Variants in MAF1 observed in about 807,000 individuals in gnomAD.
The protein encoded by MAF1 is MAF1 negative regulator of RNA polymerase III.
MAF1 carries 7 observed loss-of-function variants against 31.9 expected under a neutral mutation model. The observed-to-expected ratio is 0.22, with a 90% CI of 0.12 to 0.41. The LOEUF (loss-of-function observed/expected upper bound fraction) is 0.41. Ranked by LOEUF, MAF1 falls within the 10% of genes least tolerant of loss-of-function variation. The probability of loss-of-function intolerance (pLI) is 1.00; values close to 1 mark genes in which losing one functional copy is unlikely to be tolerated. For synonymous variants in MAF1, 157 were observed against 120.0 expected (o/e 1.31, Z -2.02); for missense variants, 221 against 323.1 (o/e 0.68, Z 2.42).
chr8:144,105,974 G>A lies in MAF1; in HGVS notation c.189G>A (p.Gln63=). The stretch of plus-strand genomic sequence containing the variant: ...TGCTGGAGGCACTTTCTCCACCCCA[G>A]ACTTCAGGACTGAGCCCCAGCAGGT... The part of the protein sequence containing the change: ...PHVLEALSPP[Q]TSGLSPSRLS... Residue 63 remains glutamine (Q), a synonymous_variant, in exon 3 of 8, where the codon CAG becomes CAA. Coordinates refer to ENST00000322428, the MANE Select transcript of MAF1 (RefSeq NM_032272.5). The A allele has an allele frequency of 3.7e-6, 6 of 1,613,352 alleles. No homozygotes were observed. The highest frequency in any genetic ancestry group is 5.1e-6 in the Non-Finnish European group (6 of 1,180,018).
chr8:144,105,971 C>T lies in MAF1; in HGVS notation c.186C>T (p.Pro62=), dbSNP rs763020536. The T allele has an allele frequency of 1.2e-6, 2 of 1,613,346 alleles. No individual in the cohort carries two copies. Among genetic ancestry groups the T allele is most frequent in the South Asian group, 1.1e-5 (1 of 91,080 alleles). ...ACGTGCTGGAGGCACTTTCTCCACCCCAGACTTCAGGACTGAGCCCCAGCA... is the reference window on the plus strand; with the variant it reads ...ACGTGCTGGAGGCACTTTCTCCACCTCAGACTTCAGGACTGAGCCCCAGCA... The part of the protein sequence containing the change: ...QPHVLEALSP[P]QTSGLSPSRL... Residue 62 remains proline (P), a synonymous_variant, in exon 3 of 8, where the codon CCC becomes CCT. Transcript: ENST00000322428.
In MAF1 at chr8:144,106,977, G is replaced by A. The variant is rs746026701; in HGVS notation, c.749+14G>A. On this transcript the variant is annotated intron_variant, in intron 7 of 7. Transcript: ENST00000322428. Reference sequence around the variant, plus strand: ...GGAGGAGGACAGGTGTGTGATGGGGGCCATGACCCGGGTCCTTGAAGCCTG... The same window carrying A: ...GGAGGAGGACAGGTGTGTGATGGGGACCATGACCCGGGTCCTTGAAGCCTG... 1.4e-5 allele frequency: 22 copies of A among 1,540,650 alleles called. No individual in the cohort carries two copies. The East Asian group carries it at 2.7e-4, about 19-fold the overall frequency.
At chr8:144,105,824 G>A in intron 2 of MAF1, 45 bp from the exon 3 acceptor site, 1 of 1,612,924 alleles carries the variant, frequency 6.2e-7, no homozygotes, top group Non-Finnish European at 8.5e-7. Context: ...CCCTTCAGTG[G>A]AACCTGGGGG....
rs1398316810 is a variant in MAF1 at position 144,104,608 on chromosome 8, T to C, written c.-295T>C. The C allele has an allele frequency of 1.3e-5, 2 of 151,498 alleles. No homozygotes were observed. The highest frequency in any genetic ancestry group is 4.9e-5 in the African/African-American group (2 of 41,176). The allele number at this position is 151,498 out of a possible 1,614,324, so 9.4% of individuals were successfully genotyped here. ...AGGTCGGTCGCGAGAGCGGGCTCTG[T>C]GGAAGGGGGCGAGGCTATGTCGCGG... On this transcript the variant is annotated 5_prime_UTR_variant, in exon 1 of 8. Coordinates refer to ENST00000322428, the MANE Select transcript of MAF1 (RefSeq NM_032272.5).
chr8:144,105,883 C>T lies in MAF1; in HGVS notation c.98C>T (p.Ser33Leu). 1 of 1,612,964 alleles carries T rather than the reference C, an allele frequency of 6.2e-7. No homozygotes were observed. The highest frequency in any genetic ancestry group is 8.5e-7 in the Non-Finnish European group (1 of 1,180,014). The change falls in exon 3 of 8, where the codon TCA becomes TTA. Residue 33 changes from serine (S) to leucine (L), a missense_variant. Around this residue, in one of 2 missense-constraint regions of MAF1, gnomAD observed 146 missense variants for 263.1 expected, o/e 0.56. Transcript: ENST00000322428. ...AHIIGRIESY[S>L]CKMAGDDKHM... The stretch of plus-strand genomic sequence containing the variant: ...GCATCCTATAGGATTGAGAGCTACT[C>T]ATGTAAGATGGCAGGAGACGACAAA...
Position 144,105,866 on chromosome 8 carries a change from T to C in MAF1, c.84-3T>C, listed in dbSNP as rs113068322. Reference sequence around the variant, plus strand: ...GCTTCATGGTTCTCTCTGCATCCTATAGGATTGAGAGCTACTCATGTAAGA... The same window carrying C: ...GCTTCATGGTTCTCTCTGCATCCTACAGGATTGAGAGCTACTCATGTAAGA... On this transcript the variant is annotated splice_polypyrimidine_tract_variant and splice_region_variant and intron_variant, in intron 2 of 7. Coordinates refer to ENST00000322428, the MANE Select transcript of MAF1 (RefSeq NM_032272.5). The C allele has an allele frequency of 6.2e-7, 1 of 1,612,830 alleles. No individual in the cohort carries two copies. The highest frequency in any genetic ancestry group is 1.7e-5 in the Admixed American group (1 of 60,012).
At chr8:144,106,712 G>A (rs774918705) in intron 6 of MAF1, 38 bp downstream of exon 6, 6 of 1,600,016 alleles carry the variant, frequency 3.7e-6, no homozygotes, top group Non-Finnish European at 4.3e-6. Context: ...CTCCCTGTTG[G>A]GCCGATACAA....
intron 1 of MAF1, 46 bp from the exon 2 acceptor site, chr8:144,105,594 C>T (rs1378374634): frequency 3.2e-6 from 4 of 1,234,238 alleles, no homozygotes; most frequent in Non-Finnish European, 4.7e-6. Context: ...AGGCAGGGCC[C>T]CAAGGGGCCA....
At chr8:144,105,322 G>A (rs1836390849) in intron 1 of MAF1, 1 of 260,880 alleles carries the variant, frequency 3.8e-6, no homozygotes, top group Admixed American at 4.8e-5. Context: ...GCGTGGAGAT[G>A]GGGAATGGGA....
intron 7 of MAF1, 45 bp downstream of exon 7, chr8:144,107,008 G>A: frequency 6.4e-7 from 1 of 1,554,300 alleles, no homozygotes; most frequent in Non-Finnish European, 8.7e-7. Flanking sequence ...GCCTGGAGTG[G>A]GTACAACAGG....
chr8:144,106,308 T>G (rs1191723783), intron 4 of MAF1, 35 bp from the exon 5 acceptor site: 7 of 1,612,770 alleles, frequency 4.3e-6, no homozygotes, highest in Non-Finnish European at 5.1e-6. Flanking sequence ...TGGGTAGCCC[T>G]GGGCTCCTGT....
rs144214778 is a variant in MAF1, at chr8:144,106,823, G to C, written c.621-12G>C. 4.3e-4 allele frequency: 658 copies of C among 1,535,736 alleles called. 2 individuals are homozygous for C. In the African/African-American group the frequency reaches 8.4e-3, roughly 20 times the overall value. On this transcript the variant is annotated splice_polypyrimidine_tract_variant and intron_variant, in intron 6 of 7. Coordinates refer to ENST00000322428, the MANE Select transcript of MAF1 (RefSeq NM_032272.5). Reference sequence around the variant, plus strand: ...TAGGGGTCCTGAAACTGGTTTCCCTGCCTCCCCTCAGTGGCTCCACCTACA... The same window carrying C: ...TAGGGGTCCTGAAACTGGTTTCCCTCCCTCCCCTCAGTGGCTCCACCTACA...
chr8:144,107,262 G>A lies in MAF1; in HGVS notation c.*153G>A, dbSNP rs768748374. ...CAAGGCCATACCTGCCTAGCCCTTT[G>A]GCTCCATCCTGTGGATGCCCACTCA... On this transcript the variant is annotated 3_prime_UTR_variant, in exon 8 of 8. Transcript: ENST00000322428. The A allele has an allele frequency of 5.0e-6, 5 of 1,004,840 alleles. No homozygotes were observed. The South Asian group carries it at 5.6e-5, about 11-fold the overall frequency. 62.2% of individuals were successfully genotyped at this position (1,004,840 alleles called of 1,614,324 possible).
Position 144,106,540 on chromosome 8 carries a change from C to T in MAF1, c.501-15C>T, listed in dbSNP as rs760048903. ...ACTTGGCGCCTCACACCACCTGTCA[C>T]CCTATACTCCCCAGCTATAACCCAG... On this transcript the variant is annotated splice_polypyrimidine_tract_variant and intron_variant, in intron 5 of 7. Transcript: ENST00000322428. 19 of 1,613,942 alleles carry T rather than the reference C, an allele frequency of 1.2e-5. No individual in the cohort carries two copies. In the East Asian group the frequency reaches 2.5e-4, roughly 21 times the overall value.
In MAF1 at chr8:144,104,522, G is replaced by A. The variant is rs1426627833; in HGVS notation, c.-381G>A. 1.3e-5 allele frequency: 2 copies of A among 152,130 alleles called. No individual in the cohort carries two copies. Among genetic ancestry groups the A allele is most frequent in the Non-Finnish European group, 2.9e-5 (2 of 68,030 alleles). 9.4% of individuals were successfully genotyped at this position (152,130 alleles called of 1,614,324 possible). A position where few individuals can be genotyped will look rare whatever the true frequency, so the allele number is the denominator to read the frequency against. On this transcript the variant is annotated 5_prime_UTR_variant, in exon 1 of 8. Coordinates refer to ENST00000322428, the MANE Select transcript of MAF1 (RefSeq NM_032272.5). ...TTGTTGTCCGGCCGGGGGAGGCGGAGGTCGCTCGCTCGCTCGCTCGGCTCG... is the reference window on the plus strand; with the variant it reads ...TTGTTGTCCGGCCGGGGGAGGCGGAAGTCGCTCGCTCGCTCGCTCGGCTCG...
At position 144,105,667 on chromosome 8, in the gene MAF1, G is replaced by T; in HGVS notation, c.-17G>T. The T allele has an allele frequency of 6.2e-7, 1 of 1,611,638 alleles. No homozygotes were observed. Among genetic ancestry groups the T allele is most frequent in the Non-Finnish European group, 8.5e-7 (1 of 1,178,486 alleles). ...AATACTAGCCCCTCTGGAGCACGGA[G>T]CTCCTTCCCCAAAGACATGAAGCTA... On this transcript the variant is annotated 5_prime_UTR_variant, in exon 2 of 8. Transcript: ENST00000322428.
intron 3 of MAF1, 21 bp from the exon 4 acceptor site, chr8:144,106,055 C>A (rs1237772403): frequency 6.2e-7 from 1 of 1,613,466 alleles, no homozygotes; most frequent in Non-Finnish European, 8.5e-7. Context: ...ATGGGCCCAG[C>A]TGATGGTTCT....
Position 144,107,300 on chromosome 8 carries a change from C to T in MAF1, c.*191C>T, listed in dbSNP as rs537607571. On this transcript the variant is annotated 3_prime_UTR_variant, in exon 8 of 8. Transcript: ENST00000322428. The stretch of plus-strand genomic sequence containing the variant: ...GGATGCCCACTCACCCCTCAGACTC[C>T]TGCTGCCCATGCTGTGGCCGGACTT... The T allele has an allele frequency of 1.3e-5, 9 of 714,384 alleles. No individual in the cohort carries two copies. Among genetic ancestry groups the T allele is most frequent in the African/African-American group, 1.1e-4 (6 of 56,444 alleles). 44.3% of individuals were successfully genotyped at this position (714,384 alleles called of 1,614,324 possible). A position where few individuals can be genotyped will look rare whatever the true frequency, so the allele number is the denominator to read the frequency against.
Position 144,105,671 on chromosome 8 carries a change from C to G in MAF1, c.-13C>G. The G allele has an allele frequency of 1.2e-6, 2 of 1,612,400 alleles. No homozygotes were observed. The highest frequency in any genetic ancestry group is 1.7e-6 in the Non-Finnish European group (2 of 1,179,126). ...CTAGCCCCTCTGGAGCACGGAGCTCCTTCCCCAAAGACATGAAGCTATTGG... is the reference window on the plus strand; with the variant it reads ...CTAGCCCCTCTGGAGCACGGAGCTCGTTCCCCAAAGACATGAAGCTATTGG... On this transcript the variant is annotated 5_prime_UTR_variant, in exon 2 of 8. Coordinates refer to ENST00000322428, the MANE Select transcript of MAF1 (RefSeq NM_032272.5).
Sources: gnomAD v4.1 joint callset for allele counts on GRCh38, gnomAD v4.1.1 for gene constraint, gnomAD v4.1.1 regional missense constraint, MANE v1.5 for transcripts, NCBI Gene and HGNC (gene_info 2026-07-23, HGNC 2026-07-21) for gene names.